The following MAP1LC3B variants were observed in gnomAD, a reference collection of about 807,000 sequenced individuals.
MAP1LC3B encodes the protein microtubule-associated protein 1 light chain 3 beta.
Under a neutral mutation model 16.7 loss-of-function variants are expected in MAP1LC3B, and 12 were observed. The observed-to-expected ratio is 0.72, with a 90% CI of 0.46 to 1.16. The LOEUF (loss-of-function observed/expected upper bound fraction) is 1.16. Ranked by LOEUF, MAP1LC3B falls within the 50% of genes most tolerant of loss-of-function variation. The probability of loss-of-function intolerance (pLI) is 0.00; values close to 1 mark genes in which losing one functional copy is unlikely to be tolerated. For missense variants in MAP1LC3B, 155 were observed against 159.5 expected, an observed-to-expected ratio of 0.97 and a Z score of 0.15; for synonymous variants, 63 against 56.5, an observed-to-expected ratio of 1.11 and a Z score of -0.51.
At chr16:87,398,676 C>T (rs1907886097) in intron 1 of MAP1LC3B, 139 bp from the exon 2 acceptor site, 1 of 742,776 alleles carries the variant, frequency 1.3e-6, no homozygotes, top group African/African-American at 1.8e-5. Context: ...TGTTTTGTTT[C>T]TTTAAGTCCT....
intron 1 of MAP1LC3B, among the ~76,000 whole-genome samples, chr16:87,397,628 T>C (rs889236991): frequency 1.3e-5 from 2 of 152,082 alleles, no homozygotes; most frequent in African/African-American, 2.4e-5. Context: ...AAAAAAAGAA[T>C]GATACTAAAA....
chr16:87,396,619 C>T (rs1907816412), intron 1 of MAP1LC3B: 1 of 151,892 alleles, frequency 6.6e-6, no homozygotes, highest in South Asian at 2.1e-4. Flanking sequence ...GTGATTTACC[C>T]TATACACTGA....
intron 1 of MAP1LC3B, among the ~76,000 whole-genome samples, chr16:87,397,858 C>G (rs62053117): frequency 6.6e-6 from 1 of 150,626 alleles, no homozygotes; most frequent in East Asian, 1.9e-4. Context: ...TCACATATTG[C>G]CTTTTTTTTT....
rs1004860369 is a variant in MAP1LC3B, at chr16:87,403,656, T to C, written c.*559T>C. ...GGCTGTGTGAGAAAACGGCCCTGAC[T>C]GTAAACTGCTGAAGGTCCCTGACTC... On this transcript the variant is annotated 3_prime_UTR_variant, in exon 4 of 4. Coordinates refer to ENST00000268607, the MANE Select transcript of MAP1LC3B (RefSeq NM_022818.5). The C allele has an allele frequency of 1.3e-5, 2 of 152,570 alleles. No homozygotes were observed. The highest frequency in any genetic ancestry group is 2.9e-5 in the Non-Finnish European group (2 of 68,318). The allele number at this position is 152,570 out of a possible 1,614,324, so 9.5% of individuals were successfully genotyped here.
intron 1 of MAP1LC3B, among the ~76,000 whole-genome samples, chr16:87,396,429 C>T (rs943871668): frequency 2.0e-5 from 3 of 150,902 alleles, no homozygotes; most frequent in East Asian, 3.9e-4. Context: ...GAGCAGAGAT[C>T]GCGCCACTGC....
rs7865 is a variant in MAP1LC3B at position 87,403,202 on chromosome 16, G to A, written c.*105G>A. ...ATCAGTTCATCCAATCACAGATCAT[G>A]AAACAGTAGTGTTCCCACCTAGGAG... On this transcript the variant is annotated 3_prime_UTR_variant, in exon 4 of 4. Coordinates refer to ENST00000268607, the MANE Select transcript of MAP1LC3B (RefSeq NM_022818.5). The A allele has an allele frequency of 7.0e-7, 1 of 1,422,684 alleles. No individual in the cohort carries two copies. The highest frequency in any genetic ancestry group is 2.3e-5 in the East Asian group (1 of 43,504). The allele number at this position is 1,422,684 out of a possible 1,614,324, so 88.1% of individuals were successfully genotyped here.
rs58652909 is a variant in MAP1LC3B, at chr16:87,400,535, C to T, written c.97-1640C>T. Among the ~76,000 whole-genome samples, 116 of 152,136 alleles carry T rather than the reference C, an allele frequency of 7.6e-4. 3 individuals carry two copies. The East Asian group carries it at 0.02, about 26-fold the overall frequency. On this transcript the variant is annotated intron_variant, in intron 2 of 3. Transcript: ENST00000268607. ...GAAATATGTTATCAGAATGAAAGTACCAGGTCATTATGCACAAAACTTTGT... is the reference window on the plus strand; with the variant it reads ...GAAATATGTTATCAGAATGAAAGTATCAGGTCATTATGCACAAAACTTTGT...
rs1908078318 is a variant in MAP1LC3B, at chr16:87,403,756, TACAC to T, written c.*663_*666del. On this transcript the variant is annotated 3_prime_UTR_variant, in exon 4 of 4. Transcript: ENST00000268607. ...TGGTTTGGTTTGTTCTCTAGATAGT[TACAC>T]ACATAAAGACACCACTCAAAAGGAA... is the stretch of plus-strand genomic sequence containing the variant. The T allele has an allele frequency of 6.6e-6, 1 of 152,248 alleles. No individual in the cohort carries two copies. Among genetic ancestry groups the T allele is most frequent in the East Asian group, 1.9e-4 (1 of 5,192 alleles). The allele number at this position is 152,248 out of a possible 1,614,324, so 9.4% of individuals were successfully genotyped here.
intron 3 of MAP1LC3B, chr16:87,402,551 C>T (rs373941505): frequency 4.4e-5 from 24 of 551,644 alleles, no homozygotes; most frequent in South Asian, 2.2e-4. Flanking sequence ...ATCAGTGTTA[C>T]AAGTTATTAA....
rs1446580942 is a variant in MAP1LC3B, at chr16:87,404,276, A to G, written c.*1179A>G. 1 of 150,754 alleles carries G rather than the reference A, an allele frequency of 6.6e-6. No homozygotes were observed. Among genetic ancestry groups the G allele is most frequent in the Non-Finnish European group, 1.5e-5 (1 of 68,032 alleles). The allele number at this position is 150,754 out of a possible 1,614,324, so 9.3% of individuals were successfully genotyped here. On this transcript the variant is annotated 3_prime_UTR_variant, in exon 4 of 4. Transcript: ENST00000268607. ...TCCCAGTACTTGCATGGGGTTCACT[A>G]TTTATAGTTTTCTTGGGAGTATCAC...
chr16:87,395,762 G>A (rs1367192293), intron 1 of MAP1LC3B, among the ~76,000 whole-genome samples: 2 of 150,680 alleles, frequency 1.3e-5, no homozygotes, highest in Admixed American at 6.6e-5. Flanking sequence ...TTTTTAGGTC[G>A]TGTTTTGGGA....
chr16:87,395,617 A>C (rs573776129), intron 1 of MAP1LC3B, among the ~76,000 whole-genome samples: 1 of 152,338 alleles, frequency 6.6e-6, no homozygotes, highest in South Asian at 2.1e-4. Context: ...CTCCAGGCTC[A>C]GCACTGGATT....
chr16:87,401,666 A>G (rs1395866409), intron 2 of MAP1LC3B, among the ~76,000 whole-genome samples: 1 of 152,024 alleles, frequency 6.6e-6, no homozygotes, highest in Non-Finnish European at 1.5e-5. Flanking sequence ...GCTGGAAGGC[A>G]TTACAGGCAC....
rs1208589947 is a variant in MAP1LC3B, at chr16:87,398,867, C to A, written c.93C>A (p.Ile31=). The A allele has an allele frequency of 3.1e-6, 5 of 1,613,812 alleles. No homozygotes were observed. Among genetic ancestry groups the A allele is most frequent in the Non-Finnish European group, 4.2e-6 (5 of 1,179,658 alleles). The change falls in exon 2 of 4, where the codon ATC becomes ATA. Residue 31 remains isoleucine, a synonymous_variant. Coordinates refer to ENST00000268607, the MANE Select transcript of MAP1LC3B (RefSeq NM_022818.5). ...RLIREQHPTK[I]PVIIERYKGE... ...TTCGAGAGCAGCATCCAACCAAAATCCCGGTAGGTAGTCTCAGGCCTCGGT... is the reference window on the plus strand; with the variant it reads ...TTCGAGAGCAGCATCCAACCAAAATACCGGTAGGTAGTCTCAGGCCTCGGT...
chr16:87,402,825 T>A (rs965107144), intron 3 of MAP1LC3B, 98 bp from the exon 4 acceptor site: 2 of 1,406,596 alleles, frequency 1.4e-6, no homozygotes, highest in East Asian at 4.8e-5. Context: ...TTTAGAACAT[T>A]TTTATATTTT....
At position 87,403,390 on chromosome 16, in the gene MAP1LC3B, T is replaced by C. The variant is rs1451752860; in HGVS notation, c.*293T>C. 5 of 238,018 alleles carry C rather than the reference T, an allele frequency of 2.1e-5. No homozygotes were observed. The Admixed American group carries it at 2.6e-4, about 12-fold the overall frequency. The allele number at this position is 238,018 out of a possible 1,614,324, so 14.7% of individuals were successfully genotyped here. On this transcript the variant is annotated 3_prime_UTR_variant, in exon 4 of 4. Coordinates refer to ENST00000268607, the MANE Select transcript of MAP1LC3B (RefSeq NM_022818.5). Reference sequence around the variant, plus strand: ...TCTAAGTTGCCAATAAAATAGACCTTCAAGTTATTTTAATGCTCTTTTCTC... The same window carrying C: ...TCTAAGTTGCCAATAAAATAGACCTCCAAGTTATTTTAATGCTCTTTTCTC...
intron 2 of MAP1LC3B, chr16:87,400,176 AAAATT>A (rs1907941172): frequency 1.0e-5 from 1 of 96,916 alleles, no homozygotes; most frequent in African/African-American, 3.3e-5. Flanking sequence ...GTGTGTGTAT[AAAATT>A]TTTTTTTTTT....
At chr16:87,394,585 G>C (rs1907734327) in intron 1 of MAP1LC3B, among the ~76,000 whole-genome samples, 2 of 152,232 alleles carry the variant, frequency 1.3e-5, no homozygotes, top group South Asian at 4.1e-4. Flanking sequence ...TAAAGAAACT[G>C]GGTGGGGCCT....
chr16:87,403,057 A>T lies in MAP1LC3B; in HGVS notation c.338A>T (p.Tyr113Phe), dbSNP rs200708875. Residue 113 changes from tyrosine (Y) to phenylalanine (F), a missense_variant, in exon 4 of 4, where the codon TAT (tyrosine) becomes TTT (phenylalanine). Coordinates refer to ENST00000268607, the MANE Select transcript of MAP1LC3B (RefSeq NM_022818.5). ...GAAGATGGATTCCTGTACATGGTCTATGCCTCCCAGGAGACGTTCGGGATG... is the reference window on the plus strand; with the variant it reads ...GAAGATGGATTCCTGTACATGGTCTTTGCCTCCCAGGAGACGTTCGGGATG... ...KDEDGFLYMVYASQETFGMKL... is the reference protein window; with the variant it reads ...KDEDGFLYMVFASQETFGMKL... 17 of 1,614,044 alleles carry T rather than the reference A, an allele frequency of 1.1e-5. No homozygotes were observed. Among genetic ancestry groups the T allele is most frequent in the Non-Finnish European group, 1.3e-5 (15 of 1,180,002 alleles).
Sources: gnomAD v4.1 joint callset for allele counts (sites outside exome capture counted in the v4.1 genomes callset) on GRCh38, gnomAD v4.1.1 for gene constraint, MANE v1.5 for transcripts, NCBI Gene and HGNC (gene_info 2026-07-23, HGNC 2026-07-21) for gene names.